Variants in UTRN observed in about 807,000 individuals in gnomAD.
UTRN encodes utrophin.
UTRN carries 283 observed loss-of-function variants against 463.9 expected under a neutral mutation model. The ratio of observed to expected loss-of-function variants is 0.61; its 90% CI spans 0.55 to 0.67. The LOEUF is 0.67. Ranked by LOEUF, UTRN falls within the 30% of genes least tolerant of loss-of-function variation. The probability of loss-of-function intolerance (pLI) is 0.00; values close to 1 mark genes in which losing one functional copy is unlikely to be tolerated. For synonymous variants in UTRN, 1,442 were observed against 1,431.5 expected (o/e 1.01, Z -0.17); for missense variants, 3,922 against 4,084.3 (o/e 0.96, Z 1.08).
intron 51 of UTRN, among the ~76,000 whole-genome samples, chr6:144,627,579 G>A (rs552284894): frequency 7.2e-5 from 11 of 151,984 alleles, no homozygotes; most frequent in South Asian, 2.1e-4. Flanking sequence ...TATCTCAAAC[G>A]GAAACTCTGT....
intron 45 of UTRN, among the ~76,000 whole-genome samples, chr6:144,540,928 C>A (rs763752761): frequency 6.6e-6 from 1 of 152,184 alleles, no homozygotes; most frequent in Non-Finnish European, 1.5e-5. Flanking sequence ...CTCTACAATT[C>A]TTTCGACTTT....
chr6:144,822,323 CT>C (rs1779671897), intron 66 of UTRN, among the ~76,000 whole-genome samples: 1 of 152,080 alleles, frequency 6.6e-6, no homozygotes, highest in East Asian at 1.9e-4. Flanking sequence ...TAGGAGATAC[CT>C]TTTTCCCTCT....
chr6:144,470,565 G>A lies in UTRN; in HGVS notation c.3067-3155G>A, dbSNP rs543957105. 2.7e-4 allele frequency among the ~76,000 whole-genome samples: 40 copies of A among 150,684 alleles called. 1 individual carries two copies. In the South Asian group the frequency reaches 4.2e-3, roughly 16 times the overall value. ...GACAGGATGACGGCCGGGAAGAGGC[G>A]CTCCTCACTTCCCAGACTGGGCGGC... On this transcript the variant is annotated intron_variant, in intron 23 of 74. Transcript: ENST00000367545.
In UTRN at chr6:144,723,403, G is replaced by A. The variant is rs370038407; in HGVS notation, c.7810-6954G>A. Among the ~76,000 whole-genome samples the A allele has an allele frequency of 3.7e-4, 56 of 152,244 alleles. 1 individual carries two copies. In the East Asian group the frequency reaches 9.7e-3, roughly 26 times the overall value. Reference sequence around the variant, plus strand: ...AAATACATAGTATTTAATTCTGAGAGCATTTCTCCCATAATTTATTATGCT... The same window carrying A: ...AAATACATAGTATTTAATTCTGAGAACATTTCTCCCATAATTTATTATGCT... On this transcript the variant is annotated intron_variant, in intron 53 of 74. Transcript: ENST00000367545.
At chr6:144,308,415 G>T (rs912483067) in intron 2 of UTRN, among the ~76,000 whole-genome samples, 1 of 152,026 alleles carries the variant, frequency 6.6e-6, no homozygotes, top group Non-Finnish European at 1.5e-5. Flanking sequence ...TCCCACCCTC[G>T]GGTAGCTGGG....
chr6:144,769,999 G>A (rs1793821926), intron 58 of UTRN, among the ~76,000 whole-genome samples: 1 of 152,134 alleles, frequency 6.6e-6, no homozygotes. Context: ...CCGGCTCCAT[G>A]GTCTTTTGAG....
At chr6:144,398,023 C>T in intron 2 of UTRN, 1 of 232,388 alleles carries the variant, frequency 4.3e-6, no homozygotes, top group East Asian at 1.0e-4. Flanking sequence ...CTGCTGTCTC[C>T]TGCTCACCAT....
chr6:144,497,999 T>C (rs1051951987), intron 33 of UTRN, among the ~76,000 whole-genome samples: 3 of 152,204 alleles, frequency 2.0e-5, no homozygotes, highest in African/African-American at 7.2e-5. Flanking sequence ...CTAATGTAAG[T>C]AGCAAGAAGT....
At position 144,840,591 on chromosome 6, in the gene UTRN, A is replaced by C. The variant is rs1562972174; in HGVS notation, c.10178-149A>C. ...ACTCAAGCAAAAATGTTTTGGGTAT[A>C]TTCCCCTAAAATTGTCCTTTGCAAT... On this transcript the variant is annotated intron_variant, in intron 72 of 74. Transcript: ENST00000367545. 5 of 795,128 alleles carry C rather than the reference A, an allele frequency of 6.3e-6. No individual in the cohort carries two copies. The East Asian group carries it at 1.4e-4, about 22-fold the overall frequency. The allele number at this position is 795,128 out of a possible 1,614,324, so 49.3% of individuals were successfully genotyped here.
intron 33 of UTRN, among the ~76,000 whole-genome samples, chr6:144,495,314 C>T (rs560555642): frequency 7.0e-4 from 106 of 152,346 alleles, no homozygotes; most frequent in African/African-American, 2.2e-3. Context: ...AGCTAAGGCC[C>T]GGTGAGAAAT....
rs776390176 is a variant in UTRN at position 144,487,663 on chromosome 6, C to T, written c.3938C>T (p.Ala1313Val). ...LDDIISEKLE[A>V]FNSRYEDLSH... ...GATATAATCAGTGAGAAACTGGAGG[C>T]TTTCAACAGCCGATATGAAGATCTA... The change falls in exon 29 of 75, where the codon GCT becomes GTT. Residue 1313 changes from alanine to valine, a missense_variant. By Grantham distance (64) the Ala-to-Val change is moderately conservative. Transcript: ENST00000367545. 1 of 1,612,358 alleles carries T rather than the reference C, an allele frequency of 6.2e-7. No homozygotes were observed. Among genetic ancestry groups the T allele is most frequent in the South Asian group, 1.1e-5 (1 of 90,814 alleles).
intron 50 of UTRN, among the ~76,000 whole-genome samples, chr6:144,561,861 A>G (rs369655749): frequency 6.6e-6 from 1 of 152,166 alleles, no homozygotes; most frequent in South Asian, 2.1e-4. Flanking sequence ...TGTCTTTCTG[A>G]TAAGTCCACT....
intron 2 of UTRN, among the ~76,000 whole-genome samples, chr6:144,391,711 G>A (rs760195006): frequency 2.0e-5 from 3 of 152,074 alleles, no homozygotes; most frequent in African/African-American, 4.8e-5. Flanking sequence ...GTGCAATCTC[G>A]GCTCACTGCA....
rs770768415 is a variant in UTRN, at chr6:144,523,104, C to A, written c.5822C>A (p.Pro1941His). The A allele has an allele frequency of 1.1e-5, 17 of 1,613,364 alleles. No individual in the cohort carries two copies. The highest frequency in any genetic ancestry group is 5.3e-5 in the African/African-American group (4 of 74,846). ...GATGTCATCCTTGAAGCCTCTGGAC[C>A]TGAAGCCATTCAGATCAGAGATACA... ...QPDVILEASG[P>H]EAIQIRDTLT... The change falls in exon 41 of 75, where the codon CCT (proline) becomes CAT (histidine). Residue 1941 changes from proline (P) to histidine (H), a missense_variant. Transcript: ENST00000367545.
At chr6:144,831,209 T>C (rs1360026270) in intron 69 of UTRN, among the ~76,000 whole-genome samples, 1 of 152,184 alleles carries the variant, frequency 6.6e-6, no homozygotes, top group East Asian at 1.9e-4. Context: ...AGCCTATGAA[T>C]ATACTACTTT....
At chr6:144,635,138 GTT>G (rs149100143) in intron 51 of UTRN, among the ~76,000 whole-genome samples, 8,889 of 102,956 alleles carry the variant, frequency 0.086, 510 homozygotes, top group East Asian at 0.43. Context: ...TTATTTGTGT[GTT>G]TTTTTTTTTT....
chr6:144,837,690 C>T (rs1413702948), intron 71 of UTRN, among the ~76,000 whole-genome samples: 1 of 152,228 alleles, frequency 6.6e-6, no homozygotes, highest in South Asian at 2.1e-4. Context: ...TGCCTTTTCA[C>T]AGTTGCTCTC....
At chr6:144,530,263 G>A (rs55686531) in intron 41 of UTRN, among the ~76,000 whole-genome samples, 3,116 of 152,252 alleles carry the variant, frequency 0.02, 128 homozygotes, top group African/African-American at 0.071. Context: ...GCTTGCAGAT[G>A]GCCACCTTCT....
At chr6:144,719,151 C>T (rs1416253734) in intron 53 of UTRN, among the ~76,000 whole-genome samples, 2 of 152,190 alleles carry the variant, frequency 1.3e-5, no homozygotes, top group African/African-American at 2.4e-5. Flanking sequence ...TGTTTTCCTT[C>T]CTTGATCCCC....
Sources: gnomAD v4.1 joint callset for allele counts (sites outside exome capture counted in the v4.1 genomes callset) on GRCh38, gnomAD v4.1.1 for gene constraint, MANE v1.5 for transcripts, NCBI Gene and HGNC (gene_info 2026-07-23, HGNC 2026-07-21) for gene names.